Variants in FBLN2 observed in about 807,000 individuals in gnomAD.
FBLN2 encodes fibulin 2.
Under a neutral mutation model 123.7 loss-of-function variants are expected in FBLN2, and 81 were observed. The ratio of observed to expected loss-of-function variants is 0.65; its 90% CI spans 0.55 to 0.79. FBLN2 has a LOEUF of 0.79. Ranked by LOEUF, FBLN2 falls within the 30% of genes least tolerant of loss-of-function variation. The pLI is 0.00. For missense variants in FBLN2, 1,603 were observed against 1,681.3 expected (o/e 0.95, Z 0.81); for synonymous variants, 699 against 701.4 (o/e 1.00, Z 0.05).
intron 1 of FBLN2, among the ~76,000 whole-genome samples, chr3:13,556,260 G>C (rs983065469): frequency 1.3e-5 from 2 of 151,986 alleles, no homozygotes; most frequent in Non-Finnish European, 2.9e-5. Flanking sequence ...CGTTCCTGGT[G>C]AGAGTTTTCT....
intron 16 of FBLN2, among the ~76,000 whole-genome samples, chr3:13,632,856 T>C (rs1001890373): frequency 4.6e-5 from 7 of 151,058 alleles, no homozygotes. Context: ...AAAAAAAAAG[T>C]CGGTATGGAC....
At chr3:13,602,763 A>G (rs763578266) in intron 2 of FBLN2, among the ~76,000 whole-genome samples, 3 of 152,154 alleles carry the variant, frequency 2.0e-5, no homozygotes, top group Admixed American at 6.5e-5. Context: ...CTATTGTATT[A>G]TAGTCATTAT....
chr3:13,565,520 G>C (rs1482233991), intron 1 of FBLN2, among the ~76,000 whole-genome samples: 2 of 152,264 alleles, frequency 1.3e-5, no homozygotes, highest in African/African-American at 4.8e-5. Context: ...CAGCACTTTG[G>C]GAGGCCGAGA....
intron 2 of FBLN2, among the ~76,000 whole-genome samples, chr3:13,581,003 C>T (rs1483209734): frequency 6.6e-6 from 1 of 152,198 alleles, no homozygotes; most frequent in Non-Finnish European, 1.5e-5. Context: ...TGGTCTCCAG[C>T]TGGTTAGCTC....
At chr3:13,560,457 T>A (rs1037427224) in intron 1 of FBLN2, among the ~76,000 whole-genome samples, 1 of 152,146 alleles carries the variant, frequency 6.6e-6, no homozygotes, top group African/African-American at 2.4e-5. Context: ...CTGGACCTGC[T>A]GTCTCCCTCC....
chr3:13,620,879 C>G (rs746942103), intron 8 of FBLN2, among the ~76,000 whole-genome samples: 1 of 152,216 alleles, frequency 6.6e-6, no homozygotes, highest in Admixed American at 6.5e-5. Context: ...CCAGAGAGGA[C>G]AGTAGACTTG....
At chr3:13,553,765 C>G (rs1401297823) in intron 1 of FBLN2, among the ~76,000 whole-genome samples, 1 of 152,222 alleles carries the variant, frequency 6.6e-6, no homozygotes, top group Non-Finnish European at 1.5e-5. Context: ...CCGCCCAGGT[C>G]TGTGTGCTGG....
chr3:13,593,272 G>A (rs1159201313), intron 2 of FBLN2, among the ~76,000 whole-genome samples: 2 of 152,192 alleles, frequency 1.3e-5, no homozygotes, highest in East Asian at 3.8e-4. Context: ...AACTACCCGG[G>A]CATGGGTTAA....
At chr3:13,549,694 ACACT>A (rs1559394548) in intron 1 of FBLN2, among the ~76,000 whole-genome samples, 1 of 150,214 alleles carries the variant, frequency 6.7e-6, no homozygotes. Flanking sequence ...CCCCCAAGTC[ACACT>A]CACCGCCACA....
intron 2 of FBLN2, among the ~76,000 whole-genome samples, chr3:13,592,047 C>T (rs1359553684): frequency 6.8e-6 from 1 of 148,088 alleles, no homozygotes; most frequent in Non-Finnish European, 1.5e-5. Flanking sequence ...TATTTTGAGC[C>T]AGAGTCTCAC....
rs1046014103 is a variant in FBLN2 at position 13,628,818 on chromosome 3, G to A, written c.2570-87G>A. 37 of 1,493,084 alleles carry A rather than the reference G, an allele frequency of 2.5e-5. No individual in the cohort carries two copies. In the African/African-American group the frequency reaches 3.9e-4, roughly 16 times the overall value. The allele number at this position is 1,493,084 out of a possible 1,614,324, so 92.5% of individuals were successfully genotyped here. ...CAGGGCAGGTCTGGAGCCCAGGACC[G>A]ACCCCCTCCCAGTGTGGCCCTGGGA... On this transcript the variant is annotated intron_variant, in intron 11 of 17. Transcript: ENST00000404922.
At chr3:13,579,836 A>G (rs1236797067) in intron 2 of FBLN2, among the ~76,000 whole-genome samples, 2 of 152,216 alleles carry the variant, frequency 1.3e-5, no homozygotes, top group Non-Finnish European at 2.9e-5. Flanking sequence ...TCATTGACAC[A>G]TAACCACTAG....
At chr3:13,621,693 C>T in intron 8 of FBLN2, 82 bp from the exon 9 acceptor site, 2 of 1,509,030 alleles carry the variant, frequency 1.3e-6, no homozygotes, top group South Asian at 1.2e-5. Context: ...TGCTGGGTCT[C>T]ATTCTCCTGT....
intron 1 of FBLN2, among the ~76,000 whole-genome samples, 160 bp downstream of exon 1, chr3:13,549,368 T>A (rs1050193623): frequency 4.0e-5 from 6 of 150,318 alleles, no homozygotes; most frequent in Non-Finnish European, 8.9e-5. Flanking sequence ...TCCGACCGGG[T>A]CTCGCTCTCC....
At chr3:13,613,645 C>CT (rs1030990503) in intron 4 of FBLN2, among the ~76,000 whole-genome samples, 11 of 152,288 alleles carry the variant, frequency 7.2e-5, no homozygotes, top group African/African-American at 2.4e-4. Flanking sequence ...CTGAGTGAAT[C>CT]TAACTGCAAA....
intron 2 of FBLN2, among the ~76,000 whole-genome samples, chr3:13,580,794 G>A (rs1559407027): frequency 6.6e-6 from 1 of 152,240 alleles, no homozygotes; most frequent in Non-Finnish European, 1.5e-5. Flanking sequence ...AGGAATGCAA[G>A]TGAGGCAACC....
At chr3:13,633,643 G>C (rs557870742) in intron 16 of FBLN2, among the ~76,000 whole-genome samples, 6 of 152,332 alleles carry the variant, frequency 3.9e-5, no homozygotes, top group African/African-American at 9.6e-5. Context: ...AAACAGGGTG[G>C]GGGGAGGCTG....
chr3:13,558,167 T>C (rs1009127369), intron 1 of FBLN2, among the ~76,000 whole-genome samples: 6 of 152,168 alleles, frequency 3.9e-5, no homozygotes, highest in African/African-American at 1.4e-4. Context: ...TTCCAGATGC[T>C]GTGGTGGCCA....
intron 6 of FBLN2, 28 bp downstream of exon 6, chr3:13,618,313 G>T (rs375511809): frequency 1.9e-6 from 3 of 1,609,052 alleles, no homozygotes; most frequent in South Asian, 2.2e-5. Flanking sequence ...CAGGGCAGGG[G>T]CTATGGGAAG....
Sources: gnomAD v4.1 joint callset for allele counts (sites outside exome capture counted in the v4.1 genomes callset) on GRCh38, gnomAD v4.1.1 for gene constraint, MANE v1.5 for transcripts, NCBI Gene and HGNC (gene_info 2026-07-23, HGNC 2026-07-21) for gene names.